The following TMX3 variants were observed in gnomAD, a reference collection of about 807,000 sequenced individuals.
TMX3 encodes protein disulfide-isomerase TMX3.
A neutral mutation model predicts 64.4 loss-of-function variants in TMX3; 40 were observed. That is an observed-to-expected ratio of 0.62 (90% confidence interval 0.48 to 0.81). The LOEUF (loss-of-function observed/expected upper bound fraction) is 0.81. Ranked by LOEUF, TMX3 falls within the 30% of genes least tolerant of loss-of-function variation. The pLI is 0.00. For synonymous variants in TMX3, 189 were observed against 175.7 expected, an observed-to-expected ratio of 1.08 and a Z score of -0.60; for missense variants, 497 against 534.5, an observed-to-expected ratio of 0.93 and a Z score of 0.69.
chr18:68,678,771 G>A lies in TMX3; in HGVS notation c.1104+692C>T, dbSNP rs564361140. ...TAATTAGGGGCAGACATGTCAATTC[G>A]TCTACCACTGTTGATATTCTACTTA... On this transcript the variant is annotated intron_variant, in intron 15 of 15. Transcript: ENST00000299608. Among the ~76,000 whole-genome samples the A allele has an allele frequency of 4.7e-3, 721 of 152,176 alleles. 6 individuals are homozygous for A. The highest frequency in any genetic ancestry group is 6.8e-3 in the Non-Finnish European group (460 of 67,990).
chr18:68,712,328 G>C lies in TMX3; in HGVS notation c.102-925C>G, dbSNP rs888949579. 4.6e-5 allele frequency among the ~76,000 whole-genome samples: 7 copies of C among 152,258 alleles called. No individual in the cohort carries two copies. The South Asian group carries it at 1.2e-3, about 27-fold the overall frequency. Reference sequence around the variant, plus strand: ...TATGAACCTGTCCCTGGACAGTATTGTTAGCCTTGACCGGGGTCTGACAAG... The same window carrying C: ...TATGAACCTGTCCCTGGACAGTATTCTTAGCCTTGACCGGGGTCTGACAAG... On this transcript the variant is annotated intron_variant, in intron 2 of 15. Coordinates refer to ENST00000299608, the MANE Select transcript of TMX3 (RefSeq NM_019022.5).
At chr18:68,692,421 C>T (rs1914615667) in intron 8 of TMX3, among the ~76,000 whole-genome samples, 2 of 152,158 alleles carry the variant, frequency 1.3e-5, no homozygotes, top group Non-Finnish European at 2.9e-5. Context: ...CTGTTACAGT[C>T]TGCATGTCAA....
intron 9 of TMX3, chr18:68,689,144 G>C (rs996248699): frequency 6.6e-6 from 1 of 152,174 alleles, no homozygotes; most frequent in Non-Finnish European, 1.5e-5. Flanking sequence ...ATTTAAATAA[G>C]GATTCAAAGT....
intron 9 of TMX3, among the ~76,000 whole-genome samples, chr18:68,689,512 G>GA (rs11424022): frequency 0.26 from 39,633 of 151,076 alleles, 8,909 homozygotes; most frequent in African/African-American, 0.61. Flanking sequence ...TTTTATCGTG[G>GA]AAAAAAAATC....
chr18:68,676,936 A>G lies in TMX3; in HGVS notation c.1362T>C (p.Asp454=). 6.2e-7 allele frequency: 1 copy of G among 1,611,194 alleles called. No homozygotes were observed. The highest frequency in any genetic ancestry group is 8.5e-7 in the Non-Finnish European group (1 of 1,179,158). Reference sequence around the variant, plus strand: ...AATATTTTATAGTCATCAAGTCTCAATCTTTCTTCTTTTCTAATACATCCT... The same window carrying G: ...AATATTTTATAGTCATCAAGTCTCAGTCTTTCTTCTTTTCTAATACATCCT... ...EPKDVLEKKK[D] is the part of the protein sequence containing the mutation. Residue 454 remains aspartate, a synonymous_variant, in exon 16 of 16, where the codon GAT becomes GAC. Coordinates refer to ENST00000299608, the MANE Select transcript of TMX3 (RefSeq NM_019022.5).
In TMX3 at chr18:68,674,117, CCTGCTCA is replaced by C. The variant is rs1183836103; in HGVS notation, c.*2809_*2815del. On this transcript the variant is annotated 3_prime_UTR_variant, in exon 16 of 16. Transcript: ENST00000299608. ...AAACAAAAACAGTACTGCTAATTCA[CCTGCTCA>C]TATAGACCCTTCCTTCAATCCCCCA... 3.9e-5 allele frequency: 6 copies of C among 152,118 alleles called. No homozygotes were observed. Among genetic ancestry groups the C allele is most frequent in the African/African-American group, 1.4e-4 (6 of 41,438 alleles). 9.4% of individuals were successfully genotyped at this position (152,118 alleles called of 1,614,324 possible). A position where few individuals can be genotyped will look rare whatever the true frequency, so the allele number is the denominator to read the frequency against.
chr18:68,678,140 T>C lies in TMX3; in HGVS notation c.1105-947A>G, dbSNP rs139518103. On this transcript the variant is annotated intron_variant, in intron 15 of 15. Coordinates refer to ENST00000299608, the MANE Select transcript of TMX3 (RefSeq NM_019022.5). ...GAAAGAGACCAGCAGCTAGACAGAA[T>C]GTGATTAGGGCCTAATCCATGCTCG... Among the ~76,000 whole-genome samples, 118 of 152,092 alleles carry C rather than the reference T, an allele frequency of 7.8e-4. No individual in the cohort carries two copies. In the East Asian group the frequency reaches 0.014, roughly 18 times the overall value.
At chr18:68,707,921 G>GTATATGTGTATATATGTGTATA (rs1365057658) in intron 4 of TMX3, among the ~76,000 whole-genome samples, 1 of 149,930 alleles carries the variant, frequency 6.7e-6, no homozygotes, top group Non-Finnish European at 1.5e-5. Context: ...ATATATGTGT[G>GTATATGTGTATATATGTGTATA]TATATGTGTA....
intron 10 of TMX3, 76 bp from the exon 11 acceptor site, chr18:68,684,561 G>A (rs570379117): frequency 6.6e-6 from 8 of 1,216,984 alleles, no homozygotes; most frequent in East Asian, 2.3e-5. Flanking sequence ...TTAGTTCTGA[G>A]TAGGAAATTA....
At chr18:68,707,935 A>AGTGTATATATG (rs1555690775) in intron 4 of TMX3, among the ~76,000 whole-genome samples, 2,108 of 151,328 alleles carry the variant, frequency 0.014, 26 homozygotes, top group Admixed American at 0.023. Context: ...ATGTGTATAT[A>AGTGTATATATG]TGTGTATATA....
intron 14 of TMX3, 91 bp from the exon 15 acceptor site, chr18:68,679,622 T>G: frequency 2.9e-6 from 3 of 1,051,094 alleles, no homozygotes; most frequent in Non-Finnish European, 2.8e-6. Flanking sequence ...GGCCAAATGG[T>G]TGACTCCAAA....
intron 6 of TMX3, among the ~76,000 whole-genome samples, chr18:68,699,404 T>C (rs1915455107): frequency 6.6e-6 from 1 of 152,116 alleles, no homozygotes; most frequent in African/African-American, 2.4e-5. Context: ...CATAAAGTTA[T>C]TTCAAAATTT....
chr18:68,698,468 G>GT (rs1568193863), intron 6 of TMX3, among the ~76,000 whole-genome samples: 2 of 151,996 alleles, frequency 1.3e-5, no homozygotes, highest in East Asian at 1.9e-4. Context: ...AAGAATATTT[G>GT]TATCTTACTA....
At chr18:68,705,339 A>G (rs2030558639) in intron 4 of TMX3, among the ~76,000 whole-genome samples, 1 of 152,204 alleles carries the variant, frequency 6.6e-6, no homozygotes, top group South Asian at 2.1e-4. Flanking sequence ...AAACAAAAAA[A>G]CCCACAGAAC....
rs1912864450 is a variant in TMX3 at position 68,675,618 on chromosome 18, A to G, written c.*1315T>C. 6.6e-6 allele frequency: 1 copy of G among 152,194 alleles called. No individual in the cohort carries two copies. The highest frequency in any genetic ancestry group is 2.1e-4 in the South Asian group (1 of 4,836). 9.4% of individuals were successfully genotyped at this position (152,194 alleles called of 1,614,324 possible). ...ATAAATGTTCAATAAAATTCTTTAT[A>G]GTGGAAAATTACTCAATGAATAACC... On this transcript the variant is annotated 3_prime_UTR_variant, in exon 16 of 16. Coordinates refer to ENST00000299608, the MANE Select transcript of TMX3 (RefSeq NM_019022.5).
At chr18:68,689,922 GA>G (rs1181139618) in intron 9 of TMX3, 2 of 152,148 alleles carry the variant, frequency 1.3e-5, no homozygotes, top group Non-Finnish European at 2.9e-5. Context: ...TAAATAAAAT[GA>G]AAATGTCAAG....
intron 13 of TMX3, among the ~76,000 whole-genome samples, chr18:68,681,948 G>GAAA (rs1913477019): frequency 1.3e-5 from 2 of 152,160 alleles, no homozygotes; most frequent in Admixed American, 1.3e-4. Flanking sequence ...CTATCCCTGT[G>GAAA]TTCTTCATTC....
At chr18:68,696,650 T>C (rs1414112696) in intron 8 of TMX3, among the ~76,000 whole-genome samples, 1 of 151,958 alleles carries the variant, frequency 6.6e-6, no homozygotes, top group African/African-American at 2.4e-5. Context: ...CTAGTTTTTG[T>C]ATTTTTAGTA....
intron 5 of TMX3, 39 bp from the exon 6 acceptor site, chr18:68,700,524 AAC>A (rs747803577): frequency 2.0e-5 from 27 of 1,360,422 alleles, no homozygotes; most frequent in Non-Finnish European, 2.6e-5. Flanking sequence ...GGATTGTTCT[AAC>A]AGTTTTAATA....
Sources: allele counts gnomAD v4.1 joint callset (sites outside exome capture counted in the v4.1 genomes callset), GRCh38; gene constraint gnomAD v4.1.1; transcripts MANE v1.5; gene names NCBI Gene and HGNC (gene_info 2026-07-23, HGNC 2026-07-21).